Variants in MUC6 observed in about 807,000 individuals in gnomAD.
The protein encoded by MUC6 is mucin 6, oligomeric mucus/gel-forming (gene/pseudogene).
Under a neutral mutation model 201.5 loss-of-function variants are expected in MUC6, and 188 were observed. The ratio of observed to expected loss-of-function variants is 0.93; its 90% CI spans 0.83 to 1.05. The LOEUF (loss-of-function observed/expected upper bound fraction) is 1.05, where lower values mean the gene tolerates loss of function less well. MUC6 is among the 50% of genes least tolerant of loss of function. The pLI is 0.00. For missense variants in MUC6, 2,706 were observed against 3,256.9 expected, an observed-to-expected ratio of 0.83 and a Z score of 4.12; for synonymous variants, 1,228 against 1,389.4, an observed-to-expected ratio of 0.88 and a Z score of 2.58.
intron 2 of MUC6, among the ~76,000 whole-genome samples, chr11:1,032,565 ATGTG>A (rs771939724): frequency 1.4e-5 from 2 of 145,040 alleles, no homozygotes; most frequent in African/African-American, 2.6e-5. Flanking sequence ...CATAGGGTGC[ATGTG>A]TGTGTAGGGT....
At position 1,032,050 on chromosome 11, in the gene MUC6, G is replaced by C. The variant is rs190722280; in HGVS notation, c.119C>G (p.Pro40Arg). The change falls in exon 3 of 33, where the codon CCG (proline) becomes CGG (arginine). Residue 40 changes from proline to arginine, a missense_variant. Pro to Arg is a moderately radical substitution (Grantham distance 103). Around this residue, in one of 10 missense-constraint regions of MUC6, gnomAD observed 1,850 missense variants for 1,958.3 expected, o/e 0.94. Transcript: ENST00000421673. ...QRLKDSPQTA[P>R]DKGQCSTWGA... ...CCACGTGGAGCACTGGCCTTTGTCCGGGGCTACAGAGAGAGCAGTGCTCAC... is the reference window on the plus strand; with the variant it reads ...CCACGTGGAGCACTGGCCTTTGTCCCGGGCTACAGAGAGAGCAGTGCTCAC... 1 of 1,613,082 alleles carries C rather than the reference G, an allele frequency of 6.2e-7. No individual in the cohort carries two copies. Among genetic ancestry groups the C allele is most frequent in the Non-Finnish European group, 8.5e-7 (1 of 1,179,838 alleles).
At position 1,027,001 on chromosome 11, in the gene MUC6, C is replaced by A; in HGVS notation, c.2334G>T (p.Glu778Asp). Residue 778 changes from glutamate (E) to aspartate (D), a missense_variant, in exon 19 of 33, where the codon GAG becomes GAT. Glu to Asp is a conservative substitution (Grantham distance 45, BLOSUM62 2). This residue lies in a region of MUC6 where 1,850 missense variants were observed against 1,958.3 expected (regional missense o/e 0.94). Transcript: ENST00000421673. ...GGGCACAGGCTGCCCCAAACTTGTT[C>A]TCGGAGGACTGGCTGCAGGACTTGA... ...KTFKSCSQSS[E>D]NKFGAACAPT... The A allele has an allele frequency of 6.2e-7, 1 of 1,602,934 alleles. No individual in the cohort carries two copies. Among genetic ancestry groups the A allele is most frequent in the South Asian group, 1.1e-5 (1 of 89,348 alleles).
At chr11:1,032,711 TTGTG>T (rs748845705) in intron 2 of MUC6, among the ~76,000 whole-genome samples, 3 of 145,022 alleles carry the variant, frequency 2.1e-5, no homozygotes, top group Non-Finnish European at 4.6e-5. Context: ...TGTGTGTAGG[TTGTG>T]TGTGTTGGGT....
At chr11:1,028,103 C>A in intron 14 of MUC6, 44 bp from the exon 15 acceptor site, 1 of 1,547,814 alleles carries the variant, frequency 6.5e-7, no homozygotes, top group Middle Eastern at 1.7e-4. Flanking sequence ...CCCTCCCATT[C>A]CAGCTACGGC....
rs113982360 is a variant in MUC6, at chr11:1,020,476, G to A, written c.3640+208C>T. On this transcript the variant is annotated intron_variant, in intron 28 of 32. Transcript: ENST00000421673. ...TTGAGGCCCCACTCTGTGCTCATCC[G>A]TGGGTCCAGCCAGGGCCATGGGGAC... is the stretch of plus-strand genomic sequence containing the variant. 5.8e-3 allele frequency among the ~76,000 whole-genome samples: 886 copies of A among 152,280 alleles called. 9 individuals carry two copies. Among genetic ancestry groups the A allele is most frequent in the African/African-American group, 0.02 (847 of 41,550 alleles).
At chr11:1,020,605 C>A in intron 28 of MUC6, 79 bp downstream of exon 28, 1 of 1,587,132 alleles carries the variant, frequency 6.3e-7, no homozygotes, top group Non-Finnish European at 8.6e-7. Flanking sequence ...GCTTCCCACC[C>A]GACAGATTTG....
At chr11:1,035,921 G>T (rs1441483977) in intron 1 of MUC6, among the ~76,000 whole-genome samples, 3 of 152,158 alleles carry the variant, frequency 2.0e-5, no homozygotes, top group Non-Finnish European at 4.4e-5. Context: ...CCTTGGGGCT[G>T]GCTCCTTCTG....
At position 1,030,755 on chromosome 11, in the gene MUC6, G is replaced by A. The variant is rs1180611215; in HGVS notation, c.710C>T (p.Thr237Ile). 1.3e-6 allele frequency: 2 copies of A among 1,539,610 alleles called. No homozygotes were observed. The highest frequency in any genetic ancestry group is 1.7e-6 in the Non-Finnish European group (2 of 1,147,414). ...CACGCTGCACTCAGGGGCCACCAGG[G>A]TCAGCAGCTGGGTGCAGATCCGGGC... is the stretch of plus-strand genomic sequence containing the variant. ...QHARICTQLL[T>I]LVAPECSVSK... The change falls in exon 7 of 33, where the codon ACC becomes ATC. Residue 237 changes from threonine (T) to isoleucine (I), a missense_variant. This residue lies in a region of MUC6 where 1,850 missense variants were observed against 1,958.3 expected (regional missense o/e 0.94). Coordinates refer to ENST00000421673, the MANE Select transcript of MUC6 (RefSeq NM_005961.3).
At position 1,015,920 on chromosome 11, in the gene MUC6, C is replaced by T. The variant is rs367679706; in HGVS notation, c.6881G>A (p.Gly2294Asp). Residue 2294 changes from glycine (G) to aspartate (D), a missense_variant, in exon 31 of 33, where the codon GGT becomes GAT. This residue lies in a region of MUC6 where 586 missense variants were observed against 488.0 expected (regional missense o/e 1.20). Transcript: ENST00000421673. ...GFVSLTSGVT[G>D]IPTSPVTNLT... ...GTTGGTGACTGGAGAGGTGGGGATA[C>T]CCGTCACCCCCGAGGTGAGTGACAC... 3 of 1,601,646 alleles carry T rather than the reference C, an allele frequency of 1.9e-6. No homozygotes were observed. The highest frequency in any genetic ancestry group is 4.5e-5 in the East Asian group (2 of 44,742).
intron 19 of MUC6, among the ~76,000 whole-genome samples, chr11:1,026,739 T>C (rs368432887): frequency 6.6e-5 from 10 of 152,338 alleles, no homozygotes; most frequent in African/African-American, 2.4e-4. Context: ...CCCGAGCTGG[T>C]GCCCACTGTC....
In MUC6 at chr11:1,026,145, T is replaced by C; in HGVS notation, c.2547-4A>G. ...CCACCTCCCCCTTGAGCAGGAGCTG[T>C]GGAGACAGCAGGTGTGGGTGGTGGG... On this transcript the variant is annotated splice_region_variant and splice_polypyrimidine_tract_variant and intron_variant, in intron 20 of 32. Coordinates refer to ENST00000421673, the MANE Select transcript of MUC6 (RefSeq NM_005961.3). 6.3e-7 allele frequency: 1 copy of C among 1,592,310 alleles called. No homozygotes were observed. Among genetic ancestry groups the C allele is most frequent in the South Asian group, 1.1e-5 (1 of 87,510 alleles).
At chr11:1,030,366 T>TGCCCCCCCCCCCCCCCCCCCCCCCG in intron 7 of MUC6, 31 bp from the exon 8 acceptor site, 2 of 1,489,580 alleles carry the variant, frequency 1.3e-6, no homozygotes, top group East Asian at 2.5e-5. Context: ...GGTGAGAGGG[T>TGCCCCCCCCCCCCCCCCCCCCCCCG]CCCACCCCCC....
Position 1,030,693 on chromosome 11 carries a change from C to T in MUC6, c.772G>A (p.Val258Met), listed in dbSNP as rs1055556728. Residue 258 changes from valine (V) to methionine (M), a missense_variant, in exon 7 of 33, where the codon GTG becomes ATG. By Grantham distance (21) the Val-to-Met change is conservative. Transcript: ENST00000421673. ...EPFVLSCQAD[V>M]AAAPQPGPQN... Reference sequence around the variant, plus strand: ...GGGCCTGGCTGGGGGGCTGCGGCCACGTCCGCCTGGCAGCTTAGCACGAAG... The same window carrying T: ...GGGCCTGGCTGGGGGGCTGCGGCCATGTCCGCCTGGCAGCTTAGCACGAAG... The T allele has an allele frequency of 1.6e-5, 25 of 1,548,708 alleles. No individual in the cohort carries two copies. The highest frequency in any genetic ancestry group is 3.9e-5 in the Admixed American group (2 of 51,404).
In MUC6 at chr11:1,020,667, A is replaced by G. The variant is rs369766790; in HGVS notation, c.3640+17T>C. ...AAGGGCCTGCGTCACCTTGGCACCT[A>G]GTGTGCGTGCAATTACCTGTGGTGG... is the stretch of plus-strand genomic sequence containing the variant. On this transcript the variant is annotated intron_variant, in intron 28 of 32. Coordinates refer to ENST00000421673, the MANE Select transcript of MUC6 (RefSeq NM_005961.3). 1,255 of 1,613,486 alleles carry G rather than the reference A, an allele frequency of 7.8e-4. No individual in the cohort carries two copies. Among genetic ancestry groups the G allele is most frequent in the Non-Finnish European group, 1.0e-3 (1,174 of 1,179,810 alleles).
chr11:1,021,102 AC>A (rs1670704504), intron 27 of MUC6, 112 bp downstream of exon 27: 14 of 1,056,940 alleles, frequency 1.3e-5, no homozygotes, highest in Non-Finnish European at 1.7e-5. Context: ...CCCAGAGCTC[AC>A]GTAAGGGCTC....
intron 13 of MUC6, 79 bp from the exon 14 acceptor site, chr11:1,028,466 T>A (rs1217410308): frequency 3.8e-6 from 6 of 1,563,814 alleles, no homozygotes; most frequent in Non-Finnish European, 3.5e-6. Flanking sequence ...GGAGCTCCCG[T>A]CCTTCCTCTA....
Position 1,026,050 on chromosome 11 carries a change from C to T in MUC6, c.2638G>A (p.Asp880Asn), listed in dbSNP as rs1479201178. 8.8e-6 allele frequency: 14 copies of T among 1,593,100 alleles called. No homozygotes were observed. Among genetic ancestry groups the T allele is most frequent in the Non-Finnish European group, 1.2e-5 (14 of 1,170,248 alleles). The stretch of plus-strand genomic sequence containing the variant: ...CCGTCGAATACGAAGCGCTGGCCGT[C>T]GAAGGTGATGACGTGGCCCTCCCCG... ...LYGEGHVITF[D>N]GQRFVFDGNC... The change falls in exon 21 of 33, where the codon GAC (aspartate) becomes AAC (asparagine). Residue 880 changes from aspartate (D) to asparagine (N), a missense_variant. Transcript: ENST00000421673.
At position 1,031,169 on chromosome 11, in the gene MUC6, C is replaced by T. The variant is rs201349075; in HGVS notation, c.574G>A (p.Gly192Ser). ...GCCCCCCAGCCCTGCCCCCACCTAC[C>T]CTCCTCACTGACAAACTCGTTGGTC... ...KVTNEFVSEE[G>S]KFLEPHKFAA... Residue 192 changes from glycine (G) to serine (S), a missense_variant and splice_region_variant, in exon 5 of 33, where the codon GGC becomes AGC. This residue lies in a region of MUC6 where 1,850 missense variants were observed against 1,958.3 expected (regional missense o/e 0.94). Coordinates refer to ENST00000421673, the MANE Select transcript of MUC6 (RefSeq NM_005961.3). 1.3e-5 allele frequency: 21 copies of T among 1,555,968 alleles called. No homozygotes were observed. The highest frequency in any genetic ancestry group is 3.5e-6 in the Non-Finnish European group (4 of 1,151,088).
In MUC6 at chr11:1,027,961, T is replaced by C; in HGVS notation, c.1848+4A>G. The C allele has an allele frequency of 6.4e-7, 1 of 1,570,364 alleles. No homozygotes were observed. Among genetic ancestry groups the C allele is most frequent in the East Asian group, 2.4e-5 (1 of 42,230 alleles). ...GCCCTCCCAAGACGCCCTCGGGCCC[T>C]CACCTTGTAGAAGGGTGCAGGGTTC... On this transcript the variant is annotated splice_donor_region_variant and intron_variant, in intron 15 of 32. Coordinates refer to ENST00000421673, the MANE Select transcript of MUC6 (RefSeq NM_005961.3).
Sources: allele counts gnomAD v4.1 joint callset (sites outside exome capture counted in the v4.1 genomes callset), GRCh38; gene constraint gnomAD v4.1.1; regional missense constraint gnomAD v4.1.1; transcripts MANE v1.5; gene names NCBI Gene and HGNC (gene_info 2026-07-23, HGNC 2026-07-21).